The following SYS1 variants were observed in gnomAD, a reference collection of about 807,000 sequenced individuals.
The protein encoded by SYS1 is SYS1 golgi trafficking protein.
In SYS1, 8 loss-of-function variants were observed where a neutral mutation model predicts 17.8. That is an observed-to-expected ratio of 0.45 (90% confidence interval 0.26 to 0.81). SYS1 has a LOEUF of 0.81. Among genes scored for constraint, SYS1 ranks in the 40% least tolerant of loss-of-function variants. The probability of loss-of-function intolerance (pLI) is 0.16; values close to 1 mark genes in which losing one functional copy is unlikely to be tolerated. For missense variants in SYS1, 161 were observed against 203.9 expected, an observed-to-expected ratio of 0.79 and a Z score of 1.28; for synonymous variants, 95 against 90.9, an observed-to-expected ratio of 1.05 and a Z score of -0.26.
At chr20:45,374,719 G>C (rs933538419) in exon 4 of SYS1, 1 of 445,396 alleles carries the variant, frequency 2.2e-6, no homozygotes, top group Non-Finnish European at 4.0e-6. Flanking sequence ...ACTTATGTAG[G>C]CCTCTGACTG....
At position 45,365,676 on chromosome 20, in the gene SYS1, G is replaced by A. The variant is rs748758346; in HGVS notation, c.220G>A (p.Ala74Thr). 23 of 1,613,960 alleles carry A rather than the reference G, an allele frequency of 1.4e-5. No homozygotes were observed. The highest frequency in any genetic ancestry group is 2.2e-5 in the East Asian group (1 of 44,874). The change falls in exon 3 of 4, where the codon GCC becomes ACC. Residue 74 changes from alanine to threonine, a missense_variant. Ala to Thr is a moderately conservative substitution (Grantham distance 58). Transcript: ENST00000243918. ...RLSMMSFILN[A>T]LTCALGLLYF... is the part of the protein sequence containing the mutation. Reference sequence around the variant, plus strand: ...CTCCATGATGTCCTTCATCCTCAACGCCCTCACCTGGTGAGTATCACCAGT... The same window carrying A: ...CTCCATGATGTCCTTCATCCTCAACACCCTCACCTGGTGAGTATCACCAGT...
At chr20:45,373,693 A>G (rs1568921265), downstream of SYS1, 2 of 584,200 alleles carry the variant, frequency 3.4e-6, no homozygotes, top group East Asian at 5.6e-5. Context: ...AGAGCGCGCC[A>G]CTCAGGAGAC....
At chr20:45,373,827 G>A, downstream of SYS1, 1 of 1,373,002 alleles carries the variant, frequency 7.3e-7, no homozygotes, top group Non-Finnish European at 1.0e-6. Context: ...TCTACCGAAG[G>A]CCTCTTTCCT....
At chr20:45,362,123 AAC>A, upstream of SYS1, 1 of 710,642 alleles carries the variant, frequency 1.4e-6, no homozygotes, top group Non-Finnish European at 1.7e-6. Flanking sequence ...AGATAGATAA[AAC>A]AGTCATGGCA....
At chr20:45,366,430 G>A (rs551288719) in intron 3 of SYS1, among the ~76,000 whole-genome samples, 1 of 152,286 alleles carries the variant, frequency 6.6e-6, no homozygotes, top group Non-Finnish European at 1.5e-5. Flanking sequence ...ATAGATGTCA[G>A]CCCACACATG....
chr20:45,373,998 C>T (rs770525146), downstream of SYS1: 2 of 1,613,906 alleles, frequency 1.2e-6, no homozygotes, highest in Non-Finnish European at 1.7e-6. Context: ...GGCTCTCGTC[C>T]AGGTCACATC....
rs534166147 is a variant in SYS1 at position 45,367,940 on chromosome 20, G to A, written c.*825G>A. On this transcript the variant is annotated 3_prime_UTR_variant, in exon 4 of 4. Coordinates refer to ENST00000243918, the MANE Select transcript of SYS1 (RefSeq NM_033542.4). ...CCTGCCTTATTTAGAATTCTTTGGC[G>A]GGAAGGGTATGATGGGTTCCCAGAG... is the stretch of plus-strand genomic sequence containing the variant. 47 of 985,506 alleles carry A rather than the reference G, an allele frequency of 4.8e-5. No homozygotes were observed. The highest frequency in any genetic ancestry group is 5.2e-4 in the Middle Eastern group (1 of 1,914). The allele number at this position is 985,506 out of a possible 1,614,324, so 61.0% of individuals were successfully genotyped here. A position where few individuals can be genotyped will look rare whatever the true frequency, so the allele number is the denominator to read the frequency against.
downstream of SYS1, among the ~76,000 whole-genome samples, chr20:45,371,419 C>T (rs367903335): frequency 1.3e-5 from 2 of 152,294 alleles, no homozygotes; most frequent in South Asian, 2.1e-4. Context: ...CTTGCCAGTC[C>T]TCTAGGTACC....
Position 45,365,967 on chromosome 20 carries a change from C to G in SYS1, c.230+281C>G, listed in dbSNP as rs935680567. 6 of 462,760 alleles carry G rather than the reference C, an allele frequency of 1.3e-5. No homozygotes were observed. The Admixed American group carries it at 2.1e-4, about 16-fold the overall frequency. 28.7% of individuals were successfully genotyped at this position (462,760 alleles called of 1,614,324 possible). A position where few individuals can be genotyped will look rare whatever the true frequency, so the allele number is the denominator to read the frequency against. ...GGAGTGAGCTGAGAAAGGATTCGAC[C>G]GAGAGGCAGGAGAACTGGGTTCTGT... On this transcript the variant is annotated intron_variant, in intron 3 of 3. Transcript: ENST00000243918.
Position 45,375,358 on chromosome 20 carries a change from C to T in SYS1, c.*1064C>T, listed in dbSNP as rs181280610. On this transcript the variant is annotated 3_prime_UTR_variant, in exon 4 of 4. Transcript: ENST00000426004. ...CTCAGGCTCTATATGCTTTTCTTTC[C>T]GTGGCATTGCCGCCAATGACGTTTT... The T allele has an allele frequency of 1.5e-4, 236 of 1,614,130 alleles. 2 individuals carry two copies. The East Asian group carries it at 4.4e-3, about 30-fold the overall frequency.
In SYS1 at chr20:45,363,772, A is replaced by G. The variant is rs530282687; in HGVS notation, c.162+79A>G. 6 of 1,435,758 alleles carry G rather than the reference A, an allele frequency of 4.2e-6. No individual in the cohort carries two copies. In the Admixed American group the frequency reaches 1.1e-4, roughly 27 times the overall value. 88.9% of individuals were successfully genotyped at this position (1,435,758 alleles called of 1,614,324 possible). A position where few individuals can be genotyped will look rare whatever the true frequency, so the allele number is the denominator to read the frequency against. ...GTGGTCCATCACTACTGTGCTGTAGACGTGGCTGGGTCACCTTCTTTCTTT... is the reference window on the plus strand; with the variant it reads ...GTGGTCCATCACTACTGTGCTGTAGGCGTGGCTGGGTCACCTTCTTTCTTT... On this transcript the variant is annotated intron_variant, in intron 2 of 3. Coordinates refer to ENST00000243918, the MANE Select transcript of SYS1 (RefSeq NM_033542.4).
rs183930523 is a variant in SYS1 at position 45,365,456 on chromosome 20, T to A, written c.163-163T>A. Reference sequence around the variant, plus strand: ...GAAACAAATGAAATCCCATAATGGATGTCTATGAAAGCACCTATTGGAAAT... The same window carrying A: ...GAAACAAATGAAATCCCATAATGGAAGTCTATGAAAGCACCTATTGGAAAT... On this transcript the variant is annotated intron_variant, in intron 2 of 3. Coordinates refer to ENST00000243918, the MANE Select transcript of SYS1 (RefSeq NM_033542.4). 6.5e-6 allele frequency: 5 copies of A among 772,416 alleles called. No individual in the cohort carries two copies. In the Admixed American group the frequency reaches 8.7e-5, roughly 13 times the overall value. 47.8% of individuals were successfully genotyped at this position (772,416 alleles called of 1,614,324 possible). A position where few individuals can be genotyped will look rare whatever the true frequency, so the allele number is the denominator to read the frequency against.
Position 45,367,588 on chromosome 20 carries a change from G to C in SYS1, c.*473G>C. Reference sequence around the variant, plus strand: ...CAGCAGTTCTGTTGGAGAAACGCTTGGTTTCCGGATCCAGAGCCACAGAAA... The same window carrying C: ...CAGCAGTTCTGTTGGAGAAACGCTTCGTTTCCGGATCCAGAGCCACAGAAA... On this transcript the variant is annotated 3_prime_UTR_variant, in exon 4 of 4. Transcript: ENST00000243918. 1.0e-6 allele frequency: 1 copy of C among 996,548 alleles called. No homozygotes were observed. The highest frequency in any genetic ancestry group is 1.1e-4 in the East Asian group (1 of 9,194). The allele number at this position is 996,548 out of a possible 1,614,324, so 61.7% of individuals were successfully genotyped here.
intron 1 of SYS1, 89 bp from the exon 2 acceptor site, chr20:45,363,440 C>T: frequency 6.1e-6 from 9 of 1,483,216 alleles, no homozygotes; most frequent in Non-Finnish European, 8.1e-6. Context: ...GGAATGGGCT[C>T]ACCCCTTGGT....
At chr20:45,364,335 A>G (rs1988330487) in intron 2 of SYS1, among the ~76,000 whole-genome samples, 1 of 152,010 alleles carries the variant, frequency 6.6e-6, no homozygotes, top group Admixed American at 6.6e-5. Flanking sequence ...TGCTCCTACC[A>G]TGTTGCCCTC....
At position 45,365,330 on chromosome 20, in the gene SYS1, A is replaced by G. The variant is rs114613968; in HGVS notation, c.163-289A>G. On this transcript the variant is annotated intron_variant, in intron 2 of 3. Coordinates refer to ENST00000243918, the MANE Select transcript of SYS1 (RefSeq NM_033542.4). ...GCCATAGTCAGCTGAACGCTGTTCTAGACTTTACTCTTGTTGTTTATTACT... is the reference window on the plus strand; with the variant it reads ...GCCATAGTCAGCTGAACGCTGTTCTGGACTTTACTCTTGTTGTTTATTACT... 875 of 487,904 alleles carry G rather than the reference A, an allele frequency of 1.8e-3. 6 individuals are homozygous for G. Among genetic ancestry groups the G allele is most frequent in the African/African-American group, 0.016 (811 of 51,590 alleles). 30.2% of individuals were successfully genotyped at this position (487,904 alleles called of 1,614,324 possible).
At position 45,363,536 on chromosome 20, in the gene SYS1, C is replaced by T. The variant is rs751753561; in HGVS notation, c.5C>T (p.Ala2Val). ...CGGCTCGTGTCCCTGCAGGGCATGG[C>T]GGGTCAGTTCCGCAGCTACGTGTGG... Reference protein sequence around the residue: MAGQFRSYVWDP... With the variant: MVGQFRSYVWDP... Residue 2 changes from alanine to valine, a missense_variant, in exon 2 of 4, where the codon GCG becomes GTG. Ala to Val is a moderately conservative substitution (Grantham distance 64). Coordinates refer to ENST00000243918, the MANE Select transcript of SYS1 (RefSeq NM_033542.4). 10 of 1,553,260 alleles carry T rather than the reference C, an allele frequency of 6.4e-6. No individual in the cohort carries two copies. In the East Asian group the frequency reaches 1.4e-4, roughly 22 times the overall value.
rs922593083 is a variant in SYS1 at position 45,369,070 on chromosome 20, A to T, written c.*1955A>T. 4 of 165,762 alleles carry T rather than the reference A, an allele frequency of 2.4e-5. No individual in the cohort carries two copies. The highest frequency in any genetic ancestry group is 9.6e-5 in the African/African-American group (4 of 41,724). The allele number at this position is 165,762 out of a possible 1,614,324, so 10.3% of individuals were successfully genotyped here. On this transcript the variant is annotated 3_prime_UTR_variant, in exon 4 of 4. Coordinates refer to ENST00000243918, the MANE Select transcript of SYS1 (RefSeq NM_033542.4). ...GCTGCATGGTAGTTGGGGATCAAAA[A>T]TATGTGACCTTAATGAGATTTTTAT...
In SYS1 at chr20:45,363,617, C is replaced by T. The variant is rs761619612; in HGVS notation, c.86C>T (p.Ser29Leu). 7.5e-6 allele frequency: 12 copies of T among 1,593,566 alleles called. No homozygotes were observed. The highest frequency in any genetic ancestry group is 9.4e-6 in the Non-Finnish European group (11 of 1,171,022). ...CTCATGCAGACCGTGTATTACGGCT[C>T]GCTGGGCCTGTGGCTGGCGCTGGTG... ...IVLMQTVYYG[S>L]LGLWLALVDG... Residue 29 changes from serine (S) to leucine (L), a missense_variant, in exon 2 of 4, where the codon TCG becomes TTG. Physicochemically the swap from Ser to Leu is moderately radical, Grantham distance 145. Transcript: ENST00000243918.
Sources: gnomAD v4.1 joint callset for allele counts (sites outside exome capture counted in the v4.1 genomes callset) on GRCh38, gnomAD v4.1.1 for gene constraint, MANE v1.5 for transcripts, NCBI Gene and HGNC (gene_info 2026-07-23, HGNC 2026-07-21) for gene names.